Variants in KIAA1328 observed in about 807,000 individuals in gnomAD.
The protein encoded by KIAA1328 is KIAA1328.
Under a neutral mutation model 68.1 loss-of-function variants are expected in KIAA1328, and 52 were observed. That is an observed-to-expected ratio of 0.76 (90% CI 0.61 to 0.96). The LOEUF (loss-of-function observed/expected upper bound fraction) is 0.96, where lower values mean the gene tolerates loss of function less well. KIAA1328 is among the 40% of genes least tolerant of loss of function. The pLI is 0.00. For missense variants in KIAA1328, 641 were observed against 677.6 expected (o/e 0.95, Z 0.60); for synonymous variants, 232 against 239.4 (o/e 0.97, Z 0.28).
intron 7 of KIAA1328, among the ~76,000 whole-genome samples, chr18:37,086,867 T>A (rs1336787250): frequency 1.3e-5 from 2 of 152,228 alleles, no homozygotes; most frequent in African/African-American, 4.8e-5. Flanking sequence ...TAAAAATGTA[T>A]GCTGATATGC....
intron 4 of KIAA1328, among the ~76,000 whole-genome samples, chr18:36,874,865 G>C (rs565797350): frequency 4.1e-4 from 62 of 152,150 alleles, no homozygotes; most frequent in Non-Finnish European, 7.5e-4. Context: ...TAGGATGTAA[G>C]GAAGGGGTCC....
chr18:37,167,842 G>A (rs2059421570), intron 8 of KIAA1328, among the ~76,000 whole-genome samples: 2 of 152,090 alleles, frequency 1.3e-5, no homozygotes, highest in African/African-American at 4.8e-5. Flanking sequence ...ACCCTCACCA[G>A]GGACCCTGCC....
At position 37,160,259 on chromosome 18, in the gene KIAA1328, A is replaced by G. The variant is rs756067964; in HGVS notation, c.1292A>G (p.His431Arg). The change falls in exon 8 of 10, where the codon CAC becomes CGC. Residue 431 changes from histidine (H) to arginine (R), a missense_variant. Transcript: ENST00000280020. ...LLGTSSSIKK[H>R]QDPPNSGENR... ...GGAACATCATCATCTATTAAAAAGC[A>G]CCAAGACCCCCCAAACAGTGGAGAG... 5.6e-6 allele frequency: 9 copies of G among 1,613,524 alleles called. No homozygotes were observed. Among genetic ancestry groups the G allele is most frequent in the Non-Finnish European group, 6.8e-6 (8 of 1,179,722 alleles).
intron 6 of KIAA1328, among the ~76,000 whole-genome samples, chr18:37,056,053 A>G (rs2055893573): frequency 1.3e-5 from 2 of 152,222 alleles, no homozygotes; most frequent in South Asian, 4.1e-4. Flanking sequence ...GACCAGGCCT[A>G]TAAAAATGAT....
intron 6 of KIAA1328, among the ~76,000 whole-genome samples, chr18:36,981,370 T>C (rs536308792): frequency 7.2e-5 from 11 of 152,030 alleles, no homozygotes; most frequent in Non-Finnish European, 1.6e-4. Context: ...TACATAAATA[T>C]ATAATACCCA....
At chr18:37,212,504 T>C (rs2060336223) in intron 9 of KIAA1328, among the ~76,000 whole-genome samples, 1 of 152,068 alleles carries the variant, frequency 6.6e-6, no homozygotes, top group Admixed American at 6.6e-5. Flanking sequence ...AAAAGTGCAA[T>C]TAAAGGTGCT....
intron 6 of KIAA1328, among the ~76,000 whole-genome samples, chr18:36,979,702 G>T (rs1184599101): frequency 6.6e-6 from 1 of 152,148 alleles, no homozygotes; most frequent in Non-Finnish European, 1.5e-5. Context: ...AGAAATGGGA[G>T]ATCATAGACC....
chr18:37,120,418 G>A (rs2058238958), intron 7 of KIAA1328, among the ~76,000 whole-genome samples: 1 of 151,914 alleles, frequency 6.6e-6, no homozygotes, highest in Admixed American at 6.6e-5. Flanking sequence ...AGATGGAATG[G>A]TGAAAAAAAA....
In KIAA1328 at chr18:36,953,949, A is replaced by G. The variant is rs138503055; in HGVS notation, c.449-5359A>G. 1.5e-4 allele frequency among the ~76,000 whole-genome samples: 23 copies of G among 151,204 alleles called. No homozygotes were observed. The East Asian group carries it at 4.5e-3, about 29-fold the overall frequency. ...ACTGACCTTCTGAAGAGTTCAGGCC[A>G]AGTGCTTTGCAAAATCTCCCATATA... is the stretch of plus-strand genomic sequence containing the variant. On this transcript the variant is annotated intron_variant, in intron 5 of 9. Coordinates refer to ENST00000280020, the MANE Select transcript of KIAA1328 (RefSeq NM_020776.3).
intron 5 of KIAA1328, chr18:36,902,202 A>T: frequency 6.6e-6 from 1 of 151,790 alleles, no homozygotes; most frequent in South Asian, 2.1e-4. Context: ...GTGAGGCAAT[A>T]TTTTCATCTC....
At chr18:37,137,343 T>G (rs2058667886) in intron 7 of KIAA1328, among the ~76,000 whole-genome samples, 2 of 152,082 alleles carry the variant, frequency 1.3e-5, no homozygotes, top group Admixed American at 1.3e-4. Flanking sequence ...TCAAGGATCC[T>G]TCTCCTTAAA....
At chr18:36,848,192 A>G (rs1222430468) in intron 4 of KIAA1328, among the ~76,000 whole-genome samples, 1 of 151,650 alleles carries the variant, frequency 6.6e-6, no homozygotes. Flanking sequence ...GAGTCTTTCA[A>G]TTTACAAAAA....
intron 7 of KIAA1328, among the ~76,000 whole-genome samples, chr18:37,135,328 G>C (rs1480561373): frequency 6.6e-6 from 1 of 152,168 alleles, no homozygotes; most frequent in African/African-American, 2.4e-5. Flanking sequence ...CAGTGTATAA[G>C]TGTTCCTTTT....
intron 6 of KIAA1328, among the ~76,000 whole-genome samples, chr18:37,043,858 C>G (rs2055358623): frequency 6.6e-6 from 1 of 152,130 alleles, no homozygotes; most frequent in South Asian, 2.1e-4. Context: ...TGTCTCGTTC[C>G]CCAGTGTCCT....
intron 4 of KIAA1328, among the ~76,000 whole-genome samples, chr18:36,856,901 TC>T (rs1463155492): frequency 6.6e-6 from 1 of 152,320 alleles, no homozygotes; most frequent in Non-Finnish European, 1.5e-5. Flanking sequence ...TACAAAGACT[TC>T]CTTGTCATGT....
Position 37,133,259 on chromosome 18 carries a change from G to A in KIAA1328, c.1233-26941G>A, listed in dbSNP as rs561537345. 9.0e-4 allele frequency among the ~76,000 whole-genome samples: 136 copies of A among 151,874 alleles called. 1 individual carries two copies. Among genetic ancestry groups the A allele is most frequent in the African/African-American group, 2.8e-3 (117 of 41,414 alleles). On this transcript the variant is annotated intron_variant, in intron 7 of 9. Coordinates refer to ENST00000280020, the MANE Select transcript of KIAA1328 (RefSeq NM_020776.3). ...AGGCAGGAGAATCGCTTGAACCCGG[G>A]AGGCAGAGGTTGCAGTGAGTGGAGG...
downstream of KIAA1328, among the ~76,000 whole-genome samples, chr18:37,229,196 T>A (rs2060653862): frequency 6.6e-6 from 1 of 152,146 alleles, no homozygotes; most frequent in Admixed American, 6.5e-5. Context: ...ATGTTGGGCA[T>A]GTAGAGTGGA....
chr18:36,958,544 C>CA (rs1475671255), intron 5 of KIAA1328, among the ~76,000 whole-genome samples: 2 of 152,084 alleles, frequency 1.3e-5, no homozygotes, highest in Non-Finnish European at 2.9e-5. Context: ...TTAGTTGATG[C>CA]AAAATGTTAT....
intron 7 of KIAA1328, among the ~76,000 whole-genome samples, chr18:37,095,392 C>T (rs1261744874): frequency 3.3e-5 from 5 of 152,060 alleles, no homozygotes. Context: ...TATCTCACCA[C>T]AATGGAGTAA....
Sources: allele counts gnomAD v4.1 joint callset (sites outside exome capture counted in the v4.1 genomes callset), GRCh38; gene constraint gnomAD v4.1.1; transcripts MANE v1.5; gene names NCBI Gene and HGNC (gene_info 2026-07-23, HGNC 2026-07-21).